The following ITK variants were observed in gnomAD, a reference collection of about 807,000 sequenced individuals.
ITK encodes IL2 inducible T cell kinase.
In ITK, 45 loss-of-function variants were observed where a neutral mutation model predicts 87.6. The ratio of observed to expected loss-of-function variants is 0.51; its 90% CI spans 0.40 to 0.66. The LOEUF (loss-of-function observed/expected upper bound fraction) is 0.66, where lower values mean the gene tolerates loss of function less well. Ranked by LOEUF, ITK falls within the 30% of genes least tolerant of loss-of-function variation. The probability of loss-of-function intolerance (pLI) is 0.00; values close to 1 mark genes in which losing one functional copy is unlikely to be tolerated. For synonymous variants in ITK, 303 were observed against 273.6 expected (o/e 1.11, Z -1.06); for missense variants, 605 against 766.3 (o/e 0.79, Z 2.48).
chr5:157,182,789 T>G (rs1050200119), intron 1 of ITK, among the ~76,000 whole-genome samples: 2 of 152,208 alleles, frequency 1.3e-5, no homozygotes, highest in African/African-American at 4.8e-5. Context: ...ATCATCTCAT[T>G]TAGTTAGTAT....
Position 157,180,912 on chromosome 5 carries a change from A to C in ITK, c.-66A>C. 1 of 1,565,714 alleles carries C rather than the reference A, an allele frequency of 6.4e-7. No homozygotes were observed. ...CCTCCACATTGCATTCTTTGCCCCA[A>C]AACTCTTTCCTTTGGTTGTGCTAAG... On this transcript the variant is annotated 5_prime_UTR_variant, in exon 1 of 17. Transcript: ENST00000422843.
intron 1 of ITK, 135 bp downstream of exon 1, chr5:157,181,250 C>T (rs757943266): frequency 3.1e-6 from 3 of 979,512 alleles, no homozygotes; most frequent in African/African-American, 3.2e-5. Context: ...ATAAAAAGTA[C>T]AGTAAAAGTA....
intron 1 of ITK, among the ~76,000 whole-genome samples, chr5:157,194,577 T>A (rs1287641145): frequency 6.6e-6 from 1 of 152,150 alleles, no homozygotes. Context: ...CTCACCCTTT[T>A]CCACAATCCA....
At chr5:157,203,572 T>C (rs1462094914) in intron 1 of ITK, among the ~76,000 whole-genome samples, 2 of 152,150 alleles carry the variant, frequency 1.3e-5, no homozygotes, top group African/African-American at 4.8e-5. Context: ...CCAACAGAGG[T>C]CAAAACACAG....
chr5:157,226,364 G>A (rs34366200), intron 6 of ITK, among the ~76,000 whole-genome samples: 1 of 151,690 alleles, frequency 6.6e-6, no homozygotes, highest in South Asian at 2.1e-4. Context: ...GGTGGCATAT[G>A]CTATTCAAAA....
intron 2 of ITK, 121 bp from the exon 3 acceptor site, chr5:157,211,166 C>T (rs1486496089): frequency 3.7e-6 from 3 of 809,536 alleles, no homozygotes; most frequent in African/African-American, 3.4e-5. Context: ...CCCTAATTAC[C>T]CAAATGTTTG....
intron 13 of ITK, chr5:157,245,286 T>C (rs890545260): frequency 4.0e-6 from 1 of 247,376 alleles, no homozygotes; most frequent in African/African-American, 2.3e-5. Flanking sequence ...GCTTTTTCAA[T>C]GCAACAGTCT....
chr5:157,209,927 A>ATTTT (rs34236243), intron 2 of ITK, among the ~76,000 whole-genome samples: 16 of 144,404 alleles, frequency 1.1e-4, no homozygotes, highest in African/African-American at 3.6e-4. Flanking sequence ...CACTGCAGAA[A>ATTTT]TTTTTTTTTT....
At chr5:157,181,635 G>A (rs1180663235) in intron 1 of ITK, among the ~76,000 whole-genome samples, 2 of 152,108 alleles carry the variant, frequency 1.3e-5, no homozygotes, top group Non-Finnish European at 1.5e-5. Flanking sequence ...AATACTCGTC[G>A]CTAGCCTGAT....
rs749419026 is a variant in ITK, at chr5:157,211,211, C to T, written c.244-76C>T. On this transcript the variant is annotated intron_variant, in intron 2 of 16. Transcript: ENST00000422843. ...CGATAAACACCCGAGACCCCACTCT[C>T]GGCTCAGTAGGTCTGCTGTCAGTCA... is the stretch of plus-strand genomic sequence containing the variant. 41 of 1,232,986 alleles carry T rather than the reference C, an allele frequency of 3.3e-5. No homozygotes were observed. In the Admixed American group the frequency reaches 3.4e-4, roughly 10 times the overall value. The allele number at this position is 1,232,986 out of a possible 1,614,324, so 76.4% of individuals were successfully genotyped here. A position where few individuals can be genotyped will look rare whatever the true frequency, so the allele number is the denominator to read the frequency against.
At chr5:157,222,717 T>A in intron 5 of ITK, 146 bp from the exon 6 acceptor site, 1 of 739,938 alleles carries the variant, frequency 1.4e-6, no homozygotes, top group Non-Finnish European at 2.4e-6. Context: ...ACTGATGTCT[T>A]TGTGTCATGT....
chr5:157,240,656 C>A, intron 10 of ITK: 1 of 204,304 alleles, frequency 4.9e-6, no homozygotes, highest in Admixed American at 5.3e-5. Context: ...TTAGGGAGCC[C>A]TCAGGAAGCT....
chr5:157,238,161 C>T lies in ITK; in HGVS notation c.821C>T (p.Thr274Ile). The change falls in exon 9 of 17, where the codon ACC (threonine) becomes ATC (isoleucine). Residue 274 changes from threonine to isoleucine, a missense_variant. Thr to Ile is a moderately conservative substitution (Grantham distance 89). Around this residue, in one of 3 missense-constraint regions of ITK, gnomAD observed 464 missense variants for 578.0 expected, o/e 0.80. Transcript: ENST00000422843. ...GATTCCAGGACTGCAGGAACATACA[C>T]CGTGTCTGTTTTCACCAAGGCTGTT... is the stretch of plus-strand genomic sequence containing the variant. ...VRDSRTAGTY[T>I]VSVFTKAVVS... is the part of the protein sequence containing the mutation. The T allele has an allele frequency of 6.2e-7, 1 of 1,613,858 alleles. No homozygotes were observed. The highest frequency in any genetic ancestry group is 1.7e-5 in the Admixed American group (1 of 60,022).
At chr5:157,186,444 G>A (rs1753645411) in intron 1 of ITK, among the ~76,000 whole-genome samples, 2 of 151,966 alleles carry the variant, frequency 1.3e-5, no homozygotes, top group South Asian at 2.1e-4. Context: ...GGAGGCTGGG[G>A]CAGGTGGATC....
At chr5:157,183,836 A>G (rs890766314) in intron 1 of ITK, among the ~76,000 whole-genome samples, 6 of 152,204 alleles carry the variant, frequency 3.9e-5, no homozygotes, top group African/African-American at 1.4e-4. Flanking sequence ...AATTTATAAC[A>G]CCATATGAAA....
chr5:157,247,511 TTC>T (rs1392223105), intron 15 of ITK, among the ~76,000 whole-genome samples: 1 of 152,222 alleles, frequency 6.6e-6, no homozygotes, highest in African/African-American at 2.4e-5. Flanking sequence ...CACATTCACC[TTC>T]TGACTCTGAA....
At chr5:157,232,926 G>T (rs955348369) in intron 8 of ITK, among the ~76,000 whole-genome samples, 1 of 152,160 alleles carries the variant, frequency 6.6e-6, no homozygotes, top group African/African-American at 2.4e-5. Context: ...GATTCGGCCT[G>T]ACTCAGCTGT....
intron 1 of ITK, among the ~76,000 whole-genome samples, chr5:157,183,110 A>C (rs1257509551): frequency 1.3e-5 from 2 of 152,058 alleles, no homozygotes; most frequent in Admixed American, 1.3e-4. Context: ...ATAACATTTT[A>C]AAAGTATTTC....
At chr5:157,206,751 G>A (rs563180034) in intron 1 of ITK, among the ~76,000 whole-genome samples, 1 of 152,098 alleles carries the variant, frequency 6.6e-6, no homozygotes, top group Non-Finnish European at 1.5e-5. Flanking sequence ...ATTTCTAGTT[G>A]TGTTTAATTG....
Sources: gnomAD v4.1 joint callset for allele counts (sites outside exome capture counted in the v4.1 genomes callset) on GRCh38, gnomAD v4.1.1 for gene constraint, gnomAD v4.1.1 regional missense constraint, MANE v1.5 for transcripts, NCBI Gene and HGNC (gene_info 2026-07-23, HGNC 2026-07-21) for gene names.